Variants in RTN4 observed in about 807,000 individuals in gnomAD.
The protein encoded by RTN4 is reticulon-4.
In RTN4, 32 loss-of-function variants were observed where a neutral mutation model predicts 90.4. The observed-to-expected ratio is 0.35, with a 90% CI of 0.27 to 0.48. The LOEUF is 0.48. RTN4 is among the 20% of genes least tolerant of loss of function. The probability of loss-of-function intolerance (pLI) is 0.99; values close to 1 mark genes in which losing one functional copy is unlikely to be tolerated. For synonymous variants in RTN4, 629 were observed against 552.5 expected (o/e 1.14, Z -1.94); for missense variants, 1,706 against 1,430.2 (o/e 1.19, Z -3.11).
At position 55,025,094 on chromosome 2, in the gene RTN4, T is replaced by C. The variant is rs767412022; in HGVS notation, c.3005A>G (p.Lys1002Arg). Reference protein sequence around the residue: ...PSAIFSAELSKTSVVDLLYWR... With the variant: ...PSAIFSAELSRTSVVDLLYWR... ...CATATAGATTGGATTACCTGAAGTT[T>C]TACTCAGCTCTGCTGAAAATATAGC... Residue 1002 changes from lysine to arginine, a missense_variant, in exon 3 of 9, where the codon AAA becomes AGA. Physicochemically the swap from Lys to Arg is conservative, Grantham distance 26 (BLOSUM62 2). Coordinates refer to ENST00000337526, the MANE Select transcript of RTN4 (RefSeq NM_020532.5). The C allele has an allele frequency of 6.9e-6, 11 of 1,597,898 alleles. No individual in the cohort carries two copies. Among genetic ancestry groups the C allele is most frequent in the Non-Finnish European group, 9.4e-6 (11 of 1,172,104 alleles).
chr2:55,100,263 G>T (rs1224405495), intron 1 of RTN4, among the ~76,000 whole-genome samples: 1 of 152,028 alleles, frequency 6.6e-6, no homozygotes, highest in Non-Finnish European at 1.5e-5. Context: ...TTGCACTGGG[G>T]GCTTGGACAA....
intron 1 of RTN4, chr2:55,046,683 T>G (rs368328738): frequency 7.2e-5 from 11 of 152,244 alleles, no homozygotes; most frequent in African/African-American, 9.6e-5. Context: ...AAGCTTAGAA[T>G]AGATCCTGTC....
At chr2:55,030,855 G>C (rs148429353) in intron 1 of RTN4, among the ~76,000 whole-genome samples, 2 of 152,132 alleles carry the variant, frequency 1.3e-5, no homozygotes, top group Non-Finnish European at 2.9e-5. Context: ...CCTGAAACAA[G>C]GTAAATCGTC....
chr2:55,128,500 C>T, the RTN4 span, among the ~76,000 whole-genome samples: 1 of 152,058 alleles, frequency 6.6e-6, no homozygotes, highest in African/African-American at 2.4e-5. Context: ...TCCTAAGTCC[C>T]GAAGGCCTAC....
At chr2:55,043,651 C>G (rs549469761) in intron 1 of RTN4, among the ~76,000 whole-genome samples, 2 of 151,996 alleles carry the variant, frequency 1.3e-5, no homozygotes, top group East Asian at 1.9e-4. Flanking sequence ...TGTGGGACAC[C>G]GAGGCAGGTG....
rs146295139 is a variant in RTN4 at position 54,987,654 on chromosome 2, C to T, written c.3058G>A (p.Val1020Met). Residue 1020 changes from valine (V) to methionine (M), a missense_variant, in exon 4 of 9, where the codon GTG becomes ATG. Transcript: ENST00000337526. ...AGCAGGAATAGGCTGGCACCAAACA[C>T]CACTCCAGTCTTCTTAATGTCTCTC... ...YWRDIKKTGVVFGASLFLLLS... is the reference protein window; with the variant it reads ...YWRDIKKTGVMFGASLFLLLS... 45 of 1,614,134 alleles carry T rather than the reference C, an allele frequency of 2.8e-5. No homozygotes were observed. Among genetic ancestry groups the T allele is most frequent in the African/African-American group, 2.7e-4 (20 of 75,040 alleles).
the RTN4 span, among the ~76,000 whole-genome samples, chr2:55,126,299 G>A: frequency 1.3e-5 from 2 of 151,880 alleles, no homozygotes; most frequent in South Asian, 4.1e-4. Flanking sequence ...AACCTGGGAG[G>A]CAGAGGTTAT....
At chr2:55,030,297 T>C (rs768672239) in intron 1 of RTN4, among the ~76,000 whole-genome samples, 10 of 152,128 alleles carry the variant, frequency 6.6e-5, no homozygotes, top group Non-Finnish European at 1.3e-4. Flanking sequence ...AGTTTTCAAA[T>C]TGGTATTTCA....
Position 55,106,046 on chromosome 2 carries a change from T to C in RTN4, c.-214+6474A>G, listed in dbSNP as rs145631851. ...TTTCTTTTCTCTTATGCTTAAAATATACTTCACCTTTTCAAAAGCACATAT... is the reference window on the plus strand; with the variant it reads ...TTTCTTTTCTCTTATGCTTAAAATACACTTCACCTTTTCAAAAGCACATAT... On this transcript the variant is annotated intron_variant, in intron 1 of 3. Transcript: ENST00000427710. Among the ~76,000 whole-genome samples the C allele has an allele frequency of 1.8e-3, 277 of 152,290 alleles. 1 individual carries two copies. The highest frequency in any genetic ancestry group is 6.3e-3 in the African/African-American group (262 of 41,536).
intron 2 of RTN4, among the ~76,000 whole-genome samples, chr2:55,077,801 C>T (rs1668630985): frequency 9.1e-6 from 1 of 109,536 alleles, no homozygotes; most frequent in Non-Finnish European, 2.1e-5. Context: ...ACAGACACAC[C>T]ATATAATACT....
chr2:55,029,639 G>A (rs1682160689), intron 1 of RTN4, among the ~76,000 whole-genome samples: 2 of 152,114 alleles, frequency 1.3e-5, no homozygotes, highest in African/African-American at 4.8e-5. Flanking sequence ...AATGAATTAG[G>A]AGAGCTAACT....
chr2:55,121,503 C>T, the RTN4 span, among the ~76,000 whole-genome samples: 1 of 152,214 alleles, frequency 6.6e-6, no homozygotes, highest in African/African-American at 2.4e-5. Context: ...CCATTTGATT[C>T]ATGTTCTGTT....
intron 3 of RTN4, among the ~76,000 whole-genome samples, chr2:55,017,501 C>T (rs994608961): frequency 1.3e-5 from 2 of 152,088 alleles, no homozygotes; most frequent in South Asian, 2.1e-4. Flanking sequence ...AATGTATGGT[C>T]GGTTTACACT....
chr2:55,134,035 G>T, the RTN4 span, among the ~76,000 whole-genome samples: 1 of 152,166 alleles, frequency 6.6e-6, no homozygotes. Context: ...AAGGGGTGGG[G>T]AATTTCCACA....
intron 1 of RTN4, among the ~76,000 whole-genome samples, chr2:55,033,479 C>G (rs1387539901): frequency 6.6e-6 from 1 of 152,154 alleles, no homozygotes; most frequent in East Asian, 1.9e-4. Context: ...GCGGGTCATC[C>G]AAAGTACAAG....
chr2:55,087,619 A>AT (rs756833577), intron 1 of RTN4, among the ~76,000 whole-genome samples: 18 of 151,554 alleles, frequency 1.2e-4, no homozygotes, highest in Non-Finnish European at 2.4e-4. Flanking sequence ...GCTTGTTTCC[A>AT]TTTTTTCATG....
At chr2:55,109,847 C>G (rs1558883804) in intron 1 of RTN4, among the ~76,000 whole-genome samples, 1 of 152,154 alleles carries the variant, frequency 6.6e-6, no homozygotes, top group Admixed American at 6.5e-5. Flanking sequence ...AAAGAGGAGT[C>G]TGAGGGAGCA....
intron 2 of RTN4, among the ~76,000 whole-genome samples, chr2:55,079,575 G>A (rs1353516234): frequency 6.6e-6 from 1 of 152,158 alleles, no homozygotes; most frequent in African/African-American, 2.4e-5. Flanking sequence ...AATAAAAACT[G>A]AAAATCTTCA....
chr2:55,123,072 A>T, the RTN4 span, among the ~76,000 whole-genome samples: 3 of 152,268 alleles, frequency 2.0e-5, no homozygotes, highest in Non-Finnish European at 2.9e-5. Context: ...TTAAATTTAG[A>T]GACCATTGCA....
Sources: gnomAD v4.1 joint callset for allele counts (sites outside exome capture counted in the v4.1 genomes callset) on GRCh38, gnomAD v4.1.1 for gene constraint, MANE v1.5 for transcripts, NCBI Gene and HGNC (gene_info 2026-07-23, HGNC 2026-07-21) for gene names.